The following TEX36 variants were observed in gnomAD, a reference collection of about 807,000 sequenced individuals.
TEX36 encodes testis expressed 36.
Under a neutral mutation model 13.6 loss-of-function variants are expected in TEX36, and 12 were observed. That is an observed-to-expected ratio of 0.88 (90% CI 0.56 to 1.43). The LOEUF is 1.43. Among genes scored for constraint, TEX36 ranks in the 40% most tolerant of loss-of-function variants. The pLI is 0.00. For synonymous variants in TEX36, 93 were observed against 83.0 expected (o/e 1.12, Z -0.65); for missense variants, 224 against 228.3 (o/e 0.98, Z 0.12).
intron 3 of TEX36, among the ~76,000 whole-genome samples, chr10:125,585,156 A>G (rs1187777773): frequency 1.3e-5 from 2 of 152,188 alleles, no homozygotes; most frequent in Admixed American, 1.3e-4. Context: ...CTGAGATCTC[A>G]TGACAAACTG....
intron 3 of TEX36, among the ~76,000 whole-genome samples, chr10:125,601,683 C>T (rs1183527137): frequency 2.6e-5 from 4 of 152,176 alleles, no homozygotes; most frequent in African/African-American, 9.7e-5. Context: ...AACTGGGGAT[C>T]CAGGGCCCCC....
At chr10:125,582,069 G>T (rs559340096) in intron 3 of TEX36, among the ~76,000 whole-genome samples, 1 of 152,366 alleles carries the variant, frequency 6.6e-6, no homozygotes, top group African/African-American at 2.4e-5. Context: ...TACTCAGCCA[G>T]CTGGAGGAAG....
At chr10:125,602,376 C>A (rs989559853) in intron 3 of TEX36, among the ~76,000 whole-genome samples, 1 of 152,172 alleles carries the variant, frequency 6.6e-6, no homozygotes, top group Non-Finnish European at 1.5e-5. Context: ...ATTCTCAGCT[C>A]TCATCACATC....
Position 125,655,996 on chromosome 10 carries a change from T to C in TEX36, c.465A>G (p.Thr155=). The C allele has an allele frequency of 7.1e-6, 11 of 1,551,836 alleles. No individual in the cohort carries two copies. The highest frequency in any genetic ancestry group is 9.6e-6 in the Non-Finnish European group (11 of 1,147,006). ...RCYKEIWNAF[T]FLPERSYTEV... ...CTGTATAGCTTCTCTCAGGAAGAAA[T>C]GTAAAAGCGTTCCATATCTCTTTAT... The change falls in exon 4 of 4, where the codon ACA becomes ACG. Residue 155 remains threonine, a synonymous_variant. Coordinates refer to ENST00000368821, the MANE Select transcript of TEX36 (RefSeq NM_001128202.3).
At chr10:125,596,685 T>C (rs945534012) in intron 3 of TEX36, among the ~76,000 whole-genome samples, 2 of 152,168 alleles carry the variant, frequency 1.3e-5, no homozygotes, top group African/African-American at 4.8e-5. Flanking sequence ...TTTACCACAT[T>C]AACAGATTAA....
At chr10:125,667,367 C>G in intron 1 of TEX36, 1 of 649,370 alleles carries the variant, frequency 1.5e-6, no homozygotes, top group South Asian at 1.4e-5. Context: ...GTCATGGTCC[C>G]CATTAGGGGG....
intron 3 of TEX36, among the ~76,000 whole-genome samples, chr10:125,643,223 C>G (rs1846715267): frequency 6.6e-6 from 1 of 152,186 alleles, no homozygotes; most frequent in African/African-American, 2.4e-5. Context: ...AGGCTGGGAG[C>G]CCCTACCCAG....
chr10:125,601,779 G>A (rs552511394), intron 3 of TEX36, among the ~76,000 whole-genome samples: 1 of 152,312 alleles, frequency 6.6e-6, no homozygotes, highest in South Asian at 2.1e-4. Flanking sequence ...GGATGTTGAT[G>A]TATCACAGCC....
At chr10:125,611,909 A>C (rs1846294346) in intron 3 of TEX36, among the ~76,000 whole-genome samples, 1 of 151,860 alleles carries the variant, frequency 6.6e-6, no homozygotes, top group Non-Finnish European at 1.5e-5. Context: ...AGTCAGGTAA[A>C]ATGCCTCCTG....
At chr10:125,672,085 G>A (rs1002091339) in intron 1 of TEX36, among the ~76,000 whole-genome samples, 4 of 148,970 alleles carry the variant, frequency 2.7e-5, no homozygotes, top group African/African-American at 7.8e-5. Flanking sequence ...CCACCTCCTA[G>A]ATTCATTGAT....
intron 1 of TEX36, among the ~76,000 whole-genome samples, chr10:125,678,881 C>T (rs963214181): frequency 6.6e-6 from 1 of 152,054 alleles, no homozygotes; most frequent in Non-Finnish European, 1.5e-5. Context: ...TGCGCTCAGG[C>T]CCCCAAAATA....
intron 3 of TEX36, among the ~76,000 whole-genome samples, chr10:125,656,839 T>C (rs530001831): frequency 1.6e-4 from 25 of 152,084 alleles, no homozygotes; most frequent in Non-Finnish European, 2.6e-4. Flanking sequence ...GTAGGTTCCC[T>C]TCACTCCCAA....
chr10:125,657,173 C>T (rs1565186187), intron 3 of TEX36, among the ~76,000 whole-genome samples: 1 of 152,178 alleles, frequency 6.6e-6, no homozygotes, highest in Non-Finnish European at 1.5e-5. Context: ...GATTTCACGT[C>T]AGTAAAGTGA....
intron 3 of TEX36, among the ~76,000 whole-genome samples, chr10:125,604,524 A>G (rs1315889178): frequency 6.6e-6 from 1 of 152,142 alleles, no homozygotes; most frequent in Non-Finnish European, 1.5e-5. Flanking sequence ...ACATAAAGAA[A>G]AAAAGAGAGC....
chr10:125,591,426 G>T (rs1846019963), intron 3 of TEX36, among the ~76,000 whole-genome samples: 1 of 152,156 alleles, frequency 6.6e-6, no homozygotes, highest in South Asian at 2.1e-4. Flanking sequence ...CCAGAAGTGA[G>T]GGCCCCCAGG....
intron 3 of TEX36, among the ~76,000 whole-genome samples, chr10:125,587,389 A>C (rs1052026195): frequency 6.6e-6 from 1 of 152,230 alleles, no homozygotes; most frequent in Non-Finnish European, 1.5e-5. Context: ...TATTAAACTT[A>C]CACAGTTGAA....
chr10:125,637,858 A>T (rs1251845733), intron 3 of TEX36, among the ~76,000 whole-genome samples: 1 of 150,104 alleles, frequency 6.7e-6, no homozygotes, highest in East Asian at 2.0e-4. Context: ...TCCTGCCCCC[A>T]CTCCTGAGCT....
chr10:125,643,433 C>G (rs896657171), intron 3 of TEX36, among the ~76,000 whole-genome samples: 62 of 152,104 alleles, frequency 4.1e-4, no homozygotes, highest in African/African-American at 1.5e-3. Context: ...CATGGCGAAA[C>G]CCTATCTCTA....
chr10:125,602,874 A>T (rs905661278), intron 3 of TEX36, among the ~76,000 whole-genome samples: 3 of 152,236 alleles, frequency 2.0e-5, no homozygotes, highest in Non-Finnish European at 4.4e-5. Flanking sequence ...CATCAAACGC[A>T]TGCGGTACAA....
Sources: allele counts gnomAD v4.1 joint callset (sites outside exome capture counted in the v4.1 genomes callset), GRCh38; gene constraint gnomAD v4.1.1; transcripts MANE v1.5; gene names NCBI Gene and HGNC (gene_info 2026-07-23, HGNC 2026-07-21).